OS9: variants seen among roughly 807,000 people sequenced by gnomAD.
OS9 encodes the protein OS9 endoplasmic reticulum lectin, also known as protein OS-9.
Under a neutral mutation model 84.7 loss-of-function variants are expected in OS9, and 58 were observed. The observed-to-expected ratio is 0.68, with a 90% CI of 0.55 to 0.85. The LOEUF is 0.85. OS9 is among the 40% of genes least tolerant of loss of function. OS9 has a pLI of 0.00. For missense variants in OS9, 760 were observed against 850.9 expected (o/e 0.89, Z 1.33); for synonymous variants, 278 against 320.8 (o/e 0.87, Z 1.43).
intron 1 of OS9, 78 bp downstream of exon 1, chr12:57,694,401 A>C: frequency 6.8e-7 from 1 of 1,474,228 alleles, no homozygotes; most frequent in Non-Finnish European, 9.4e-7. Flanking sequence ...GCAGCTCCGG[A>C]GTCTGGGGCT....
intron 5 of OS9, among the ~76,000 whole-genome samples, chr12:57,699,275 G>A (rs1257803233): frequency 2.0e-5 from 3 of 152,178 alleles, no homozygotes; most frequent in Non-Finnish European, 4.4e-5. Context: ...TCTGGGTCTG[G>A]AGTTCAGCAG....
chr12:57,717,387 A>G (rs1954529794), intron 9 of OS9, among the ~76,000 whole-genome samples: 1 of 152,242 alleles, frequency 6.6e-6, no homozygotes, highest in South Asian at 2.1e-4. Flanking sequence ...AGAATTTAGG[A>G]GCGCAGTAGC....
intron 5 of OS9, among the ~76,000 whole-genome samples, chr12:57,702,549 G>A (rs1159861746): frequency 1.3e-5 from 2 of 152,204 alleles, no homozygotes; most frequent in African/African-American, 4.8e-5. Context: ...TGGTGTACAA[G>A]TATCTGTTTG....
rs1329219272 is a variant in OS9 at position 57,697,922 on chromosome 12, CAT to C, written c.579+1551_579+1552del. Among the ~76,000 whole-genome samples, 162 of 59,104 alleles carry C rather than the reference CAT, an allele frequency of 2.7e-3. 3 individuals carry two copies. Among genetic ancestry groups the C allele is most frequent in the African/African-American group, 7.3e-3 (129 of 17,618 alleles). The allele number at this position is 59,104 out of a possible 152,430, so 38.8% of individuals were successfully genotyped here. A position where few individuals can be genotyped will look rare whatever the true frequency, so the allele number is the denominator to read the frequency against. ...TAACATAAGCAAACACACACACACACATACACACACACACACACACACACACA... is the reference window on the plus strand; with the variant it reads ...TAACATAAGCAAACACACACACACACACACACACACACACACACACACACA... On this transcript the variant is annotated intron_variant, in intron 5 of 14. Coordinates refer to ENST00000315970, the MANE Select transcript of OS9 (RefSeq NM_006812.4).
chr12:57,703,655 C>A (rs1954085311), intron 5 of OS9, among the ~76,000 whole-genome samples: 1 of 151,938 alleles, frequency 6.6e-6, no homozygotes, highest in African/African-American at 2.4e-5. Context: ...ATTATAGTAG[C>A]TTTGTATTAA....
chr12:57,694,430 G>A, intron 1 of OS9, 107 bp downstream of exon 1: 1 of 1,205,366 alleles, frequency 8.3e-7, no homozygotes, highest in Non-Finnish European at 1.2e-6. Context: ...CGGGGAATCG[G>A]GAAGAGTAGG....
intron 9 of OS9, 129 bp downstream of exon 9, chr12:57,716,873 A>C (rs1954517283): frequency 1.3e-6 from 1 of 757,816 alleles, no homozygotes; most frequent in South Asian, 1.5e-5. Flanking sequence ...TTTTTATAGG[A>C]GTTAATACTC....
Position 57,694,276 on chromosome 12 carries a change from A to C in OS9, c.115A>C (p.Met39Leu). ...GSLNLEELSE[M>L]RYGIEILPLP... Reference sequence around the variant, plus strand: ...CCTGAACCTGGAGGAGCTGAGTGAGATGCGTTATGGGATCGAGATCCTGCC... The same window carrying C: ...CCTGAACCTGGAGGAGCTGAGTGAGCTGCGTTATGGGATCGAGATCCTGCC... Residue 39 changes from methionine (M) to leucine (L), a missense_variant, in exon 1 of 15, where the codon ATG becomes CTG. Transcript: ENST00000315970. 1.2e-6 allele frequency: 2 copies of C among 1,614,092 alleles called. No individual in the cohort carries two copies. Among genetic ancestry groups the C allele is most frequent in the Non-Finnish European group, 1.7e-6 (2 of 1,180,010 alleles).
intron 11 of OS9, 99 bp downstream of exon 11, chr12:57,718,520 C>A: frequency 2.3e-6 from 3 of 1,303,706 alleles, no homozygotes; most frequent in Non-Finnish European, 3.2e-6. Flanking sequence ...CAGCACAGGG[C>A]AAGGACGGGG....
intron 1 of OS9, 125 bp from the exon 2 acceptor site, chr12:57,694,625 A>G: frequency 1.0e-6 from 1 of 987,246 alleles, no homozygotes; most frequent in Middle Eastern, 3.2e-4. Flanking sequence ...ATACAGCTGG[A>G]GGGCTTATGG....
chr12:57,716,872 G>T, intron 9 of OS9, 128 bp downstream of exon 9: 1 of 760,974 alleles, frequency 1.3e-6, no homozygotes, highest in East Asian at 2.5e-5. Flanking sequence ...ATTTTTATAG[G>T]AGTTAATACT....
intron 14 of OS9, 24 bp downstream of exon 14, chr12:57,720,542 C>G (rs1954649429): frequency 1.3e-6 from 2 of 1,533,156 alleles, no homozygotes; most frequent in Non-Finnish European, 1.8e-6. Context: ...ACCCCCGAGT[C>G]CTGGCCCCCA....
Position 57,720,269 on chromosome 12 carries a change from C to T in OS9, c.1765+6C>T. ...GGAGGGACTCACAGCTGCAGGTGGGCCCTGGAGGGCGGCTGGACCCAGTGC... is the reference window on the plus strand; with the variant it reads ...GGAGGGACTCACAGCTGCAGGTGGGTCCTGGAGGGCGGCTGGACCCAGTGC... On this transcript the variant is annotated splice_donor_region_variant and intron_variant, in intron 13 of 14. Transcript: ENST00000315970. 9 of 1,613,560 alleles carry T rather than the reference C, an allele frequency of 5.6e-6. No individual in the cohort carries two copies. Among genetic ancestry groups the T allele is most frequent in the Non-Finnish European group, 7.6e-6 (9 of 1,179,830 alleles).
intron 5 of OS9, among the ~76,000 whole-genome samples, chr12:57,706,554 T>A (rs1045394123): frequency 1.3e-5 from 2 of 152,136 alleles, no homozygotes; most frequent in African/African-American, 4.8e-5. Flanking sequence ...GAGATTATTC[T>A]TCAAAGGTTA....
At chr12:57,713,717 T>A (rs1565777599) in intron 5 of OS9, among the ~76,000 whole-genome samples, 2 of 150,428 alleles carry the variant, frequency 1.3e-5, no homozygotes, top group African/African-American at 4.9e-5. Context: ...TTTTTTTTTT[T>A]AACTACGCTT....
intron 5 of OS9, among the ~76,000 whole-genome samples, chr12:57,704,302 C>G (rs912208293): frequency 6.6e-6 from 1 of 151,982 alleles, no homozygotes; most frequent in Non-Finnish European, 1.5e-5. Flanking sequence ...TTTGGGAGGC[C>G]AAGGCAGGTG....
At chr12:57,699,079 A>G (rs534409869) in intron 5 of OS9, among the ~76,000 whole-genome samples, 112 of 152,328 alleles carry the variant, frequency 7.4e-4, no homozygotes, top group African/African-American at 2.6e-3. Context: ...ACAGAGTAAG[A>G]AGGAGTCAAG....
chr12:57,695,096 C>G, intron 2 of OS9, 170 bp downstream of exon 2: 3 of 618,784 alleles, frequency 4.8e-6, no homozygotes, highest in Non-Finnish European at 8.5e-6. Flanking sequence ...CCTGCAACCA[C>G]TGATGACACT....
intron 5 of OS9, among the ~76,000 whole-genome samples, chr12:57,703,003 A>G (rs1026869884): frequency 1.3e-5 from 2 of 152,026 alleles, no homozygotes; most frequent in African/African-American, 4.8e-5. Context: ...TATCAGATCT[A>G]TGATTTGTAA....
Sources: allele counts gnomAD v4.1 joint callset (sites outside exome capture counted in the v4.1 genomes callset), GRCh38; gene constraint gnomAD v4.1.1; transcripts MANE v1.5; gene names NCBI Gene and HGNC (gene_info 2026-07-23, HGNC 2026-07-21).